Variants in WDPCP observed in about 807,000 individuals in gnomAD.
The protein encoded by WDPCP is WD repeat-containing and planar cell polarity effector protein fritz homolog.
WDPCP carries 71 observed loss-of-function variants against 93.1 expected under a neutral mutation model. That is an observed-to-expected ratio of 0.76 (90% CI 0.63 to 0.93). WDPCP has a LOEUF of 0.93. Among genes scored for constraint, WDPCP ranks in the 40% least tolerant of loss-of-function variants. WDPCP has a pLI of 0.00. For synonymous variants in WDPCP, 315 were observed against 315.0 expected (o/e 1.00, Z 0.00); for missense variants, 844 against 887.4 (o/e 0.95, Z 0.62).
chr2:63,299,639 C>T (rs975208693), intron 13 of WDPCP, among the ~76,000 whole-genome samples: 5 of 152,074 alleles, frequency 3.3e-5, no homozygotes, highest in Non-Finnish European at 7.4e-5. Flanking sequence ...CTGTGAGGTA[C>T]GGGGTGCATA....
chr2:63,261,137 G>C (rs932146482), intron 13 of WDPCP, among the ~76,000 whole-genome samples: 1 of 150,016 alleles, frequency 6.7e-6, no homozygotes, highest in African/African-American at 2.5e-5. Flanking sequence ...TGCAAGTAAT[G>C]TCAGGCTGCA....
At chr2:63,362,275 G>GT (rs1690532274) in intron 12 of WDPCP, among the ~76,000 whole-genome samples, 1 of 11,120 alleles carries the variant, frequency 9.0e-5, no homozygotes, top group Non-Finnish European at 1.3e-4. Context: ...TTTTTTTTTT[G>GT]GTTGTGTGTG....
chr2:63,726,258 C>G (rs552494303), intron 2 of WDPCP, among the ~76,000 whole-genome samples: 1 of 152,282 alleles, frequency 6.6e-6, no homozygotes, highest in South Asian at 2.1e-4. Context: ...TTTCAATCTT[C>G]CACGTATGGC....
At chr2:63,678,149 A>G (rs1710446101) in intron 2 of WDPCP, among the ~76,000 whole-genome samples, 1 of 152,214 alleles carries the variant, frequency 6.6e-6, no homozygotes, top group Non-Finnish European at 1.5e-5. Flanking sequence ...TGCCGAAAGT[A>G]ATCAAGGACT....
At chr2:63,651,454 A>AACACACACACACAC (rs140128523) in intron 2 of WDPCP, among the ~76,000 whole-genome samples, 97 of 147,678 alleles carry the variant, frequency 6.6e-4, no homozygotes, top group African/African-American at 2.1e-3. Context: ...ATGTGTGTAC[A>AACACACACACACAC]ACACACACAC....
chr2:63,673,792 A>T (rs112085916), intron 2 of WDPCP, among the ~76,000 whole-genome samples: 53 of 152,312 alleles, frequency 3.5e-4, no homozygotes, highest in African/African-American at 1.1e-3. Flanking sequence ...GGTCCCTATA[A>T]AAACTTCTTC....
At chr2:63,190,861 C>G (rs1466573264) in intron 14 of WDPCP, among the ~76,000 whole-genome samples, 1 of 152,086 alleles carries the variant, frequency 6.6e-6, no homozygotes, top group African/African-American at 2.4e-5. Context: ...CCTGAATGAC[C>G]TATTACTTTA....
At chr2:63,292,088 G>A (rs1286766666) in intron 13 of WDPCP, among the ~76,000 whole-genome samples, 7 of 143,378 alleles carry the variant, frequency 4.9e-5, no homozygotes, top group East Asian at 2.0e-4. Flanking sequence ...AGCCGAGATC[G>A]CGCCACTGCA....
At chr2:63,490,525 T>A (rs1166487106) in intron 2 of WDPCP, among the ~76,000 whole-genome samples, 1 of 152,186 alleles carries the variant, frequency 6.6e-6, no homozygotes, top group African/African-American at 2.4e-5. Flanking sequence ...AAGGCTTCTC[T>A]AAGTGACTTA....
intron 1 of WDPCP, among the ~76,000 whole-genome samples, chr2:63,558,389 G>A (rs368140423): frequency 5.3e-5 from 8 of 151,890 alleles, no homozygotes; most frequent in East Asian, 3.9e-4. Context: ...TTAGCTGGGC[G>A]TGGTGGTGCG....
At chr2:63,810,789 C>T (rs546811744) in intron 2 of WDPCP, among the ~76,000 whole-genome samples, 261 of 152,280 alleles carry the variant, frequency 1.7e-3, no homozygotes, top group African/African-American at 5.8e-3. Flanking sequence ...ATATAATGTA[C>T]GGAAAAGCTT....
In WDPCP at chr2:63,174,645, A is replaced by C. The variant is rs749097497; in HGVS notation, c.2078+25T>G. On this transcript the variant is annotated intron_variant, in intron 15 of 17. Coordinates refer to ENST00000272321, the MANE Select transcript of WDPCP (RefSeq NM_015910.7). ...GTAATACTAAATACTTTATGGAGCA[A>C]TTTCCTCAGTTCAACATTTCTTACC... 3.1e-6 allele frequency: 5 copies of C among 1,613,280 alleles called. No individual in the cohort carries two copies. In the South Asian group the frequency reaches 4.4e-5, roughly 14 times the overall value.
At chr2:63,838,589 T>G in the WDPCP span, among the ~76,000 whole-genome samples, 3 of 152,006 alleles carry the variant, frequency 2.0e-5, no homozygotes, top group African/African-American at 4.8e-5. Flanking sequence ...CCCAGGTTTC[T>G]GCAAAGGTAA....
intron 2 of WDPCP, among the ~76,000 whole-genome samples, chr2:63,652,484 A>G (rs1308363331): frequency 6.6e-6 from 1 of 152,196 alleles, no homozygotes; most frequent in Non-Finnish European, 1.5e-5. Flanking sequence ...CAGGACTGTC[A>G]CTGGGTCTAC....
At chr2:63,680,397 A>G (rs1032880775) in intron 2 of WDPCP, among the ~76,000 whole-genome samples, 1 of 152,234 alleles carries the variant, frequency 6.6e-6, no homozygotes, top group Non-Finnish European at 1.5e-5. Context: ...GAGACAGCAC[A>G]GCAATTGTGA....
chr2:63,726,073 T>C (rs1669493420), intron 2 of WDPCP, among the ~76,000 whole-genome samples: 1 of 152,192 alleles, frequency 6.6e-6, no homozygotes, highest in Admixed American at 6.5e-5. Flanking sequence ...ATTTTTGCTT[T>C]TGTTGCAATT....
At chr2:63,440,097 T>G in intron 6 of WDPCP, 1 of 466,754 alleles carries the variant, frequency 2.1e-6, no homozygotes, top group East Asian at 3.5e-5. Context: ...TAAAGCTACA[T>G]GCAGAAACCT....
intron 1 of WDPCP, among the ~76,000 whole-genome samples, chr2:63,531,470 G>A (rs1185873577): frequency 6.6e-6 from 1 of 152,120 alleles, no homozygotes; most frequent in Non-Finnish European, 1.5e-5. Context: ...ACAGCTGGGT[G>A]CCCCTCTAAG....
At chr2:63,745,643 T>TACACAC (rs5831669) in intron 2 of WDPCP, among the ~76,000 whole-genome samples, 47 of 149,772 alleles carry the variant, frequency 3.1e-4, no homozygotes, top group African/African-American at 1.1e-3. Flanking sequence ...TGCACGCACT[T>TACACAC]ACACACACAC....
Sources: allele counts gnomAD v4.1 joint callset (sites outside exome capture counted in the v4.1 genomes callset), GRCh38; gene constraint gnomAD v4.1.1; transcripts MANE v1.5; gene names NCBI Gene and HGNC (gene_info 2026-07-23, HGNC 2026-07-21).